Variants in DHX36 observed in about 807,000 individuals in gnomAD.
The protein encoded by DHX36 is DEAH-box helicase 36.
DHX36 carries 50 observed loss-of-function variants against 139.0 expected under a neutral mutation model. The ratio of observed to expected loss-of-function variants is 0.36; its 90% CI spans 0.29 to 0.46. The LOEUF (loss-of-function observed/expected upper bound fraction) is 0.46. Among genes scored for constraint, DHX36 ranks in the 20% least tolerant of loss-of-function variants. DHX36 has a pLI of 1.00. For missense variants in DHX36, 1,024 were observed against 1,211.3 expected (o/e 0.85, Z 2.29); for synonymous variants, 425 against 401.9 (o/e 1.06, Z -0.69).
intron 16 of DHX36, 85 bp from the exon 17 acceptor site, chr3:154,289,049 C>T: frequency 1.9e-6 from 1 of 514,346 alleles, no homozygotes; most frequent in Non-Finnish European, 3.2e-6. Context: ...GCTGATGACT[C>T]AAAGCATCAA....
At chr3:154,281,791 A>G (rs1199547452) in intron 20 of DHX36, among the ~76,000 whole-genome samples, 4 of 152,108 alleles carry the variant, frequency 2.6e-5, no homozygotes, top group Non-Finnish European at 5.9e-5. Flanking sequence ...ATTATTTTAT[A>G]CTGTTCAGGA....
At chr3:154,283,650 T>C (rs2108335162) in intron 19 of DHX36, among the ~76,000 whole-genome samples, 2 of 152,104 alleles carry the variant, frequency 1.3e-5, no homozygotes, top group South Asian at 4.2e-4. Context: ...TGCTTTTTTT[T>C]TTAAGAGGAG....
intron 1 of DHX36, 31 bp downstream of exon 1, chr3:154,324,143 T>A: frequency 6.3e-7 from 1 of 1,585,942 alleles, no homozygotes; most frequent in Non-Finnish European, 8.6e-7. Context: ...CTGTGCTGCC[T>A]CATCCTCTCC....
intron 5 of DHX36, among the ~76,000 whole-genome samples, 187 bp downstream of exon 5, chr3:154,309,466 A>G (rs1337011078): frequency 6.6e-6 from 1 of 152,138 alleles, no homozygotes; most frequent in Non-Finnish European, 1.5e-5. Context: ...ATAAATATCT[A>G]TTATCTGTTA....
In DHX36 at chr3:154,324,485, T is replaced by C; in HGVS notation, c.-69A>G. 7.0e-7 allele frequency: 1 copy of C among 1,429,700 alleles called. No individual in the cohort carries two copies. Among genetic ancestry groups the C allele is most frequent in the Admixed American group, 2.9e-5 (1 of 34,848 alleles). 88.6% of individuals were successfully genotyped at this position (1,429,700 alleles called of 1,614,324 possible). Reference sequence around the variant, plus strand: ...AATGGCGTCCGGGCCCGGAAGCCACTGTGCGCCCACTTCCGTTTTGCTTCC... The same window carrying C: ...AATGGCGTCCGGGCCCGGAAGCCACCGTGCGCCCACTTCCGTTTTGCTTCC... On this transcript the variant is annotated 5_prime_UTR_variant, in exon 1 of 25. Coordinates refer to ENST00000496811, the MANE Select transcript of DHX36 (RefSeq NM_020865.3).
chr3:154,290,702 T>C (rs1198735385), intron 15 of DHX36, among the ~76,000 whole-genome samples: 1 of 150,760 alleles, frequency 6.6e-6, no homozygotes, highest in Non-Finnish European at 1.5e-5. Context: ...GTAGAAGAGA[T>C]ATTTCTTTAG....
In DHX36 at chr3:154,305,074, C is replaced by T. The variant is rs1175595328; in HGVS notation, c.968+20G>A. The T allele has an allele frequency of 6.2e-7, 1 of 1,607,494 alleles. No individual in the cohort carries two copies. The highest frequency in any genetic ancestry group is 8.5e-7 in the Non-Finnish European group (1 of 1,177,040). ...CATCTTTTGATAACACTTATATTTC[C>T]TTAATTGAAACATACTCACGGGTCT... is the stretch of plus-strand genomic sequence containing the variant. On this transcript the variant is annotated intron_variant, in intron 7 of 24. Transcript: ENST00000496811.
At chr3:154,318,251 T>C (rs991472858) in intron 1 of DHX36, among the ~76,000 whole-genome samples, 15 of 152,094 alleles carry the variant, frequency 9.9e-5, no homozygotes, top group African/African-American at 2.4e-4. Flanking sequence ...ACCTCCTTTT[T>C]TGAAGTGAAA....
rs1711505919 is a variant in DHX36 at position 154,284,867 on chromosome 3, C to CT, written c.2151dup (p.Val718SerfsTer7). ...CTGAGACTAGCAGCAATAGTGAGTACTGGGTCTAAGCAGCAGAACAGTGCT... is the reference window on the plus strand; with the variant it reads ...CTGAGACTAGCAGCAATAGTGAGTACTTGGGTCTAAGCAGCAGAACAGTGCT... On this transcript the variant is annotated frameshift_variant, in exon 18 of 25. Transcript: ENST00000496811. LOFTEE classifies it high-confidence loss of function. The CT allele has an allele frequency of 6.2e-7, 1 of 1,613,978 alleles. No individual in the cohort carries two copies. The highest frequency in any genetic ancestry group is 1.3e-5 in the African/African-American group (1 of 74,884).
intron 10 of DHX36, 125 bp from the exon 11 acceptor site, chr3:154,300,821 T>G: frequency 8.2e-7 from 1 of 1,225,350 alleles, no homozygotes. Flanking sequence ...AGAGAATTAC[T>G]GGGGTAATTA....
intron 9 of DHX36, 73 bp downstream of exon 9, chr3:154,303,256 G>T: frequency 1.8e-6 from 2 of 1,093,960 alleles, no homozygotes; most frequent in Non-Finnish European, 2.7e-6. Flanking sequence ...GGGTTTCTGA[G>T]ACTAAAGTTT....
intron 5 of DHX36, among the ~76,000 whole-genome samples, chr3:154,307,704 T>C (rs1044938038): frequency 4.6e-5 from 7 of 151,958 alleles, no homozygotes; most frequent in East Asian, 1.9e-4. Flanking sequence ...GAAAACAGTA[T>C]GGAGATTGCT....
chr3:154,287,293 T>C, intron 17 of DHX36, among the ~76,000 whole-genome samples: 1 of 152,310 alleles, frequency 6.6e-6, no homozygotes, highest in African/African-American at 2.4e-5. Context: ...CTTTATGACC[T>C]CAGGAAAAGA....
chr3:154,305,172 T>G lies in DHX36; in HGVS notation c.894-4A>C, dbSNP rs1048475920. On this transcript the variant is annotated splice_polypyrimidine_tract_variant and splice_region_variant and intron_variant, in intron 6 of 24. Coordinates refer to ENST00000496811, the MANE Select transcript of DHX36 (RefSeq NM_020865.3). ...ACCCTGTTTCCTTGGCAACCGACTG[T>G]GAATGAAAGACATGAATTAATAAGC... The G allele has an allele frequency of 6.2e-7, 1 of 1,610,168 alleles. No individual in the cohort carries two copies. Among genetic ancestry groups the G allele is most frequent in the East Asian group, 2.2e-5 (1 of 44,762 alleles).
At chr3:154,292,038 G>A (rs998947803) in intron 15 of DHX36, among the ~76,000 whole-genome samples, 1 of 152,202 alleles carries the variant, frequency 6.6e-6, no homozygotes, top group African/African-American at 2.4e-5. Context: ...TAGGAGCCTA[G>A]CCTGTGTAGT....
chr3:154,283,171 A>C lies in DHX36; in HGVS notation c.2376+17T>G. On this transcript the variant is annotated intron_variant, in intron 20 of 24. Coordinates refer to ENST00000496811, the MANE Select transcript of DHX36 (RefSeq NM_020865.3). ...ATCTAGCATATATGATAATTACTGC[A>C]AAACATTCACCATTACCTGCAGTGT... 1 of 1,586,326 alleles carries C rather than the reference A, an allele frequency of 6.3e-7. No homozygotes were observed. The highest frequency in any genetic ancestry group is 8.7e-7 in the Non-Finnish European group (1 of 1,154,834).
intron 11 of DHX36, 108 bp from the exon 12 acceptor site, chr3:154,300,033 T>C: frequency 1.4e-6 from 1 of 704,526 alleles, no homozygotes; most frequent in South Asian, 1.8e-5. Flanking sequence ...TAGCTCAGGA[T>C]AATTTTCGTT....
At chr3:154,299,657 T>A in intron 12 of DHX36, 181 bp downstream of exon 12, 1 of 615,234 alleles carries the variant, frequency 1.6e-6, no homozygotes, top group African/African-American at 1.9e-5. Flanking sequence ...TAAGAGCCAA[T>A]TTTATTAGGC....
intron 20 of DHX36, among the ~76,000 whole-genome samples, chr3:154,282,153 A>G (rs1488004096): frequency 1.3e-5 from 2 of 152,122 alleles, no homozygotes; most frequent in East Asian, 1.9e-4. Flanking sequence ...GTGTTCTTAC[A>G]TACATCTCAA....
Sources: allele counts gnomAD v4.1 joint callset (sites outside exome capture counted in the v4.1 genomes callset), GRCh38; gene constraint gnomAD v4.1.1; transcripts MANE v1.5; gene names NCBI Gene and HGNC (gene_info 2026-07-23, HGNC 2026-07-21).